Variants in PLXNB2 observed in about 807,000 individuals in gnomAD.
The protein encoded by PLXNB2 is plexin B2, also known as plexin-B2.
PLXNB2 carries 85 observed loss-of-function variants against 202.6 expected under a neutral mutation model. The ratio of observed to expected loss-of-function variants is 0.42; its 90% confidence interval spans 0.35 to 0.50. The LOEUF is 0.50. Ranked by LOEUF, PLXNB2 falls within the 20% of genes least tolerant of loss-of-function variation. The pLI is 0.02. For synonymous variants in PLXNB2, 1,239 were observed against 1,137.6 expected (o/e 1.09, Z -1.79); for missense variants, 2,063 against 2,586.2 (o/e 0.80, Z 4.39).
At chr22:50,294,288 T>C (rs2067102428) in intron 2 of PLXNB2, among the ~76,000 whole-genome samples, 1 of 152,190 alleles carries the variant, frequency 6.6e-6, no homozygotes, top group African/African-American at 2.4e-5. Flanking sequence ...CCACAGCAAC[T>C]CCGGCTGCTG....
At position 50,277,698 on chromosome 22, in the gene PLXNB2, G is replaced by T; in HGVS notation, c.5089C>A (p.His1697Asn). 6.2e-7 allele frequency: 1 copy of T among 1,606,362 alleles called. No individual in the cohort carries two copies. Among genetic ancestry groups the T allele is most frequent in the Non-Finnish European group, 8.5e-7 (1 of 1,175,504 alleles). ...TGGACATGCACGTCAAAGATGAAGT[G>T]GGGGTTCTTGAGGATGTTCACCCAG... ...RFWVNILKNP[H>N]FIFDVHVHEV... is the part of the protein sequence containing the mutation. Residue 1697 changes from histidine to asparagine, a missense_variant, in exon 33 of 37, where the codon CAC becomes AAC. This residue lies in a region of PLXNB2 where 760 missense variants were observed against 1,109.4 expected (regional missense o/e 0.69). Transcript: ENST00000359337.
chr22:50,297,345 CCCTCGAACAA>C lies in PLXNB2; in HGVS notation c.-73-2577_-73-2568del, dbSNP rs905596854. Reference sequence around the variant, plus strand: ...GCTTCTGTCCCGCCCATCCCGCACGCCCTCGAACAACCTCCCCTGAGTGATCGATCCACTC... The same window carrying C: ...GCTTCTGTCCCGCCCATCCCGCACGCCCTCCCCTGAGTGATCGATCCACTC... On this transcript the variant is annotated intron_variant, in intron 1 of 36. Coordinates refer to ENST00000359337, the MANE Select transcript of PLXNB2 (RefSeq NM_012401.4). The surrounding 1 kb of genome is among the most constrained non-coding windows in gnomAD (Gnocchi z 5.3). Among the ~76,000 whole-genome samples the C allele has an allele frequency of 1.2e-4, 18 of 152,188 alleles. No individual in the cohort carries two copies. The highest frequency in any genetic ancestry group is 1.0e-3 in the Admixed American group (16 of 15,288).
At chr22:50,301,942 C>G (rs1417614102) in intron 1 of PLXNB2, among the ~76,000 whole-genome samples, 1 of 152,246 alleles carries the variant, frequency 6.6e-6, no homozygotes, top group Non-Finnish European at 1.5e-5. Flanking sequence ...TGGGTGCTGC[C>G]GGAAAAGCCC....
Position 50,301,350 on chromosome 22 carries a change from T to G in PLXNB2, c.-74+6203A>C, listed in dbSNP as rs2067669921. 1.7e-5 allele frequency: 17 copies of G among 978,536 alleles called. No homozygotes were observed. The Admixed American group carries it at 1.0e-3, about 60-fold the overall frequency. The allele number at this position is 978,536 out of a possible 1,614,324, so 60.6% of individuals were successfully genotyped here. ...CTGGGCAGCGCAATGAACCTACCGA[T>G]GTCTCCGTGCTTCCTGAGGACCTCC... On this transcript the variant is annotated intron_variant, in intron 1 of 36. Coordinates refer to ENST00000359337, the MANE Select transcript of PLXNB2 (RefSeq NM_012401.4).
At position 50,278,025 on chromosome 22, in the gene PLXNB2, A is replaced by ATT. The variant is rs2065729165; in HGVS notation, c.4888-13_4888-12insAA. ...TGCTGCAGTGTGCCCTGTGGGGGGG[A>ATT]GGGTCTCAGCGTGACGCCGTGGGCG... On this transcript the variant is annotated splice_polypyrimidine_tract_variant and intron_variant, in intron 31 of 36. Coordinates refer to ENST00000359337, the MANE Select transcript of PLXNB2 (RefSeq NM_012401.4). The ATT allele has an allele frequency of 6.4e-7, 1 of 1,559,208 alleles. No homozygotes were observed. Among genetic ancestry groups the ATT allele is most frequent in the Non-Finnish European group, 8.7e-7 (1 of 1,148,280 alleles).
rs751428804 is a variant in PLXNB2 at position 50,277,680 on chromosome 22, G to T, written c.5107C>A (p.His1703Asn). Residue 1703 changes from histidine (H) to asparagine (N), a missense_variant, in exon 33 of 37, where the codon CAT becomes AAT. Around this residue, in one of 2 missense-constraint regions of PLXNB2, gnomAD observed 760 missense variants for 1,109.4 expected, o/e 0.69. Coordinates refer to ENST00000359337, the MANE Select transcript of PLXNB2 (RefSeq NM_012401.4). Reference protein sequence around the residue: ...LKNPHFIFDVHVHEVVDASLS... With the variant: ...LKNPHFIFDVNVHEVVDASLS... ...GAGGCGTCCACCACCTCGTGGACAT[G>T]CACGTCAAAGATGAAGTGGGGGTTC... is the stretch of plus-strand genomic sequence containing the variant. 2 of 1,608,608 alleles carry T rather than the reference G, an allele frequency of 1.2e-6. No homozygotes were observed. Among genetic ancestry groups the T allele is most frequent in the Non-Finnish European group, 1.7e-6 (2 of 1,176,940 alleles).
Position 50,284,841 on chromosome 22 carries a change from A to G in PLXNB2, c.2089-176T>C. ...ACCCCTCGGCCACTCCTGAGCCCAA[A>G]CACCTGTGTCTGCAGAAGCCTCTGA... On this transcript the variant is annotated intron_variant, in intron 11 of 36. Coordinates refer to ENST00000359337, the MANE Select transcript of PLXNB2 (RefSeq NM_012401.4). The surrounding 1 kb of genome is among the most constrained non-coding windows in gnomAD (Gnocchi z 8.0). 1.4e-6 allele frequency: 1 copy of G among 737,894 alleles called. No individual in the cohort carries two copies. Among genetic ancestry groups the G allele is most frequent in the Non-Finnish European group, 2.5e-6 (1 of 394,828 alleles). The allele number at this position is 737,894 out of a possible 1,614,324, so 45.7% of individuals were successfully genotyped here.
rs1430055297 is a variant in PLXNB2 at position 50,284,948 on chromosome 22, C to G, written c.2089-283G>C. 1.8e-6 allele frequency: 1 copy of G among 560,086 alleles called. No homozygotes were observed. The highest frequency in any genetic ancestry group is 4.1e-5 in the East Asian group (1 of 24,402). 34.7% of individuals were successfully genotyped at this position (560,086 alleles called of 1,614,324 possible). On this transcript the variant is annotated intron_variant, in intron 11 of 36. Coordinates refer to ENST00000359337, the MANE Select transcript of PLXNB2 (RefSeq NM_012401.4). The surrounding 1 kb of genome is among the most constrained non-coding windows in gnomAD (Gnocchi z 8.0). The stretch of plus-strand genomic sequence containing the variant: ...TCGCCCGGCCCACCTGACATCGTGG[C>G]CCCCACAGCTCCCTCCTCAGGAGGT...
intron 26 of PLXNB2, 30 bp from the exon 27 acceptor site, chr22:50,279,806 G>A: frequency 6.2e-6 from 10 of 1,612,924 alleles, no homozygotes; most frequent in Non-Finnish European, 8.5e-6. Context: ...AGGCTGGGAG[G>A]TCAGGGGACT....
Position 50,275,666 on chromosome 22 carries a change from A to T in PLXNB2, c.*38T>A, listed in dbSNP as rs376960587. ...CCCCTGAGGGGCTCTCAGGTACCTC[A>T]GGTACCTATGTCCCAAGGCAGCACT... is the stretch of plus-strand genomic sequence containing the variant. On this transcript the variant is annotated 3_prime_UTR_variant, in exon 37 of 37. Transcript: ENST00000359337. 3 of 1,402,870 alleles carry T rather than the reference A, an allele frequency of 2.1e-6. No homozygotes were observed. Among genetic ancestry groups the T allele is most frequent in the Non-Finnish European group, 3.0e-6 (3 of 1,011,380 alleles). The allele number at this position is 1,402,870 out of a possible 1,614,324, so 86.9% of individuals were successfully genotyped here.
rs1415204461 is a variant in PLXNB2, at chr22:50,288,809, CTT to C, written c.1312_1313del (p.Lys438GlufsTer161). The C allele has an allele frequency of 2.5e-6, 4 of 1,613,180 alleles. No individual in the cohort carries two copies. The highest frequency in any genetic ancestry group is 2.7e-5 in the African/African-American group (2 of 74,908). The part of the protein sequence containing the change: ...EYDSILVEIN[K>X]RVKRDLVLSG... ...ACAGTACCAGGTCGCGCTTGACTCT[CTT>C]GTTTATCTCCACAAGGATAGAGTCG... On this transcript the variant is annotated frameshift_variant, in exon 5 of 37. Coordinates refer to ENST00000359337, the MANE Select transcript of PLXNB2 (RefSeq NM_012401.4). LOFTEE classifies it high-confidence loss of function. The surrounding 1 kb of genome is among the most constrained non-coding windows in gnomAD (Gnocchi z 5.0).
At chr22:50,277,386 G>A (rs1043593259) in intron 33 of PLXNB2, among the ~76,000 whole-genome samples, 3 of 152,144 alleles carry the variant, frequency 2.0e-5, no homozygotes, top group African/African-American at 4.8e-5. Context: ...GAGGTCTCAG[G>A]AGGAGAGAGG....
At chr22:50,280,707 C>G in intron 24 of PLXNB2, 37 bp from the exon 25 acceptor site, 2 of 1,581,190 alleles carry the variant, frequency 1.3e-6, no homozygotes, top group East Asian at 2.3e-5. Flanking sequence ...CCCGGCGCCA[C>G]CTGTGTGCCC....
intron 8 of PLXNB2, 66 bp from the exon 9 acceptor site, chr22:50,286,353 C>A (rs375330848): frequency 3.6e-5 from 43 of 1,181,316 alleles, no homozygotes; most frequent in African/African-American, 2.4e-4. Flanking sequence ...GCTGGGCCTC[C>A]CCTGGGGCTG....
intron 1 of PLXNB2, among the ~76,000 whole-genome samples, chr22:50,302,007 G>A (rs1569184991): frequency 6.6e-6 from 1 of 152,250 alleles, no homozygotes; most frequent in Non-Finnish European, 1.5e-5. Flanking sequence ...CAAAGAGCCT[G>A]GGAGAGAAGC....
rs2067487388 is a variant in PLXNB2 at position 50,299,147 on chromosome 22, T to A, written c.-73-4369A>T. ...ATGGGGATCCAGGCAGCAGCCGCCATGAAGAACGAGGAGAGCTCGGGCCTA... is the reference window on the plus strand; with the variant it reads ...ATGGGGATCCAGGCAGCAGCCGCCAAGAAGAACGAGGAGAGCTCGGGCCTA... On this transcript the variant is annotated intron_variant, in intron 1 of 36. Coordinates refer to ENST00000359337, the MANE Select transcript of PLXNB2 (RefSeq NM_012401.4). 2.0e-5 allele frequency among the ~76,000 whole-genome samples: 3 copies of A among 151,918 alleles called. 1 individual carries two copies. The South Asian group carries it at 6.2e-4, about 32-fold the overall frequency.
chr22:50,277,927 G>T lies in PLXNB2; in HGVS notation c.4974C>A (p.Phe1658Leu). ...HAVPPAVKYFFDFLDEQAEKH... is the reference protein window; with the variant it reads ...HAVPPAVKYFLDFLDEQAEKH... ...TCTCTGCCTGCTCGTCCAGGAAGTC[G>T]AAGAAGTACTTGACTGCAGGTGGCA... is the stretch of plus-strand genomic sequence containing the variant. Residue 1658 changes from phenylalanine (F) to leucine (L), a missense_variant, in exon 32 of 37, where the codon TTC (phenylalanine) becomes TTA (leucine). Phe to Leu is a conservative substitution (Grantham distance 22). Coordinates refer to ENST00000359337, the MANE Select transcript of PLXNB2 (RefSeq NM_012401.4). 1.2e-6 allele frequency: 2 copies of T among 1,613,146 alleles called. No homozygotes were observed. Among genetic ancestry groups the T allele is most frequent in the Non-Finnish European group, 1.7e-6 (2 of 1,179,866 alleles).
chr22:50,296,590 C>CAAAAAAAAAAAAAAAAAAAAAAAGAA (rs2067294524), intron 1 of PLXNB2, among the ~76,000 whole-genome samples: 2 of 56,454 alleles, frequency 3.5e-5, no homozygotes. Flanking sequence ...GACTCTGTCT[C>CAAAAAAAAAAAAAAAAAAAAAAAGAA]AAAAAAAAAA....
rs1287812310 is a variant in PLXNB2, at chr22:50,278,698, T to C, written c.4547-2A>G. On this transcript the variant is annotated splice_acceptor_variant, in intron 28 of 36. Transcript: ENST00000359337. LOFTEE classifies it high-confidence loss of function. ...GCGCTGTGGAGCCCGGACGCCACTC[T>C]GTGGGAAGAGACAGCCCAGCTTGGG... The C allele has an allele frequency of 3.7e-6, 6 of 1,609,526 alleles. No homozygotes were observed. Among genetic ancestry groups the C allele is most frequent in the Non-Finnish European group, 4.2e-6 (5 of 1,178,686 alleles).
Sources: allele counts gnomAD v4.1 joint callset (sites outside exome capture counted in the v4.1 genomes callset), GRCh38; gene constraint gnomAD v4.1.1; regional missense constraint gnomAD v4.1.1; non-coding constraint Gnocchi (gnomAD v3.1); transcripts MANE v1.5; gene names NCBI Gene and HGNC (gene_info 2026-07-23, HGNC 2026-07-21).